Variants in RAB18 observed in about 807,000 individuals in gnomAD.
RAB18 encodes RAB18, member RAS oncogene family.
RAB18 carries 10 observed loss-of-function variants against 28.5 expected under a neutral mutation model. The ratio of observed to expected loss-of-function variants is 0.35; its 90% CI spans 0.22 to 0.60. The LOEUF (loss-of-function observed/expected upper bound fraction) is 0.60. Among genes scored for constraint, RAB18 ranks in the 20% least tolerant of loss-of-function variants. The pLI is 0.78. For missense variants in RAB18, 188 were observed against 244.2 expected (o/e 0.77, Z 1.53); for synonymous variants, 93 against 86.9 (o/e 1.07, Z -0.39).
intron 2 of RAB18, among the ~76,000 whole-genome samples, chr10:27,518,279 A>G (rs1242267653): frequency 6.6e-6 from 1 of 152,188 alleles, no homozygotes; most frequent in East Asian, 1.9e-4. Flanking sequence ...GGGTCATATG[A>G]TAAATGCATA....
intron 2 of RAB18, 33 bp downstream of exon 2, chr10:27,509,963 G>A: frequency 6.4e-7 from 1 of 1,557,566 alleles, no homozygotes; most frequent in Non-Finnish European, 8.9e-7. Flanking sequence ...TATAGAAATG[G>A]CCAGTATTTT....
At chr10:27,518,106 C>T (rs1211224938) in intron 2 of RAB18, among the ~76,000 whole-genome samples, 1 of 152,032 alleles carries the variant, frequency 6.6e-6, no homozygotes, top group East Asian at 1.9e-4. Context: ...TGTGGATGTA[C>T]CACAGTTTTA....
chr10:27,540,493 G>C lies in RAB18; in HGVS notation c.*2442G>C, dbSNP rs570023744. ...TTTCTTTATCACTCTTTTGTTATAT[G>C]TAATAGAAGTATTTCACACTTTTGG... On this transcript the variant is annotated 3_prime_UTR_variant, in exon 7 of 7. Coordinates refer to ENST00000356940, the MANE Select transcript of RAB18 (RefSeq NM_021252.5). 4 of 454,014 alleles carry C rather than the reference G, an allele frequency of 8.8e-6. No individual in the cohort carries two copies. Among genetic ancestry groups the C allele is most frequent in the African/African-American group, 8.0e-5 (4 of 50,088 alleles). The allele number at this position is 454,014 out of a possible 1,614,324, so 28.1% of individuals were successfully genotyped here.
At chr10:27,514,923 C>A (rs190543365) in intron 2 of RAB18, among the ~76,000 whole-genome samples, 4 of 151,984 alleles carry the variant, frequency 2.6e-5, no homozygotes, top group Non-Finnish European at 5.9e-5. Flanking sequence ...CCACCATGCC[C>A]GGGTGATCTT....
chr10:27,516,795 G>A (rs1834445720), intron 2 of RAB18, among the ~76,000 whole-genome samples: 1 of 152,076 alleles, frequency 6.6e-6, no homozygotes, highest in African/African-American at 2.4e-5. Context: ...ATGTGCCTGG[G>A]TCCACTTCTC....
Position 27,526,689 on chromosome 10 carries a change from C to G in RAB18, c.125-139C>G. 5.1e-6 allele frequency: 5 copies of G among 987,420 alleles called. No individual in the cohort carries two copies. In the East Asian group the frequency reaches 1.2e-4, roughly 24 times the overall value. 61.2% of individuals were successfully genotyped at this position (987,420 alleles called of 1,614,324 possible). A position where few individuals can be genotyped will look rare whatever the true frequency, so the allele number is the denominator to read the frequency against. Reference sequence around the variant, plus strand: ...TGGATTTTAATGACACTTTTTATCTCCACATCCAGAATTCTAAGAAGTTGG... The same window carrying G: ...TGGATTTTAATGACACTTTTTATCTGCACATCCAGAATTCTAAGAAGTTGG... On this transcript the variant is annotated intron_variant, in intron 2 of 6. Transcript: ENST00000356940.
intron 6 of RAB18, among the ~76,000 whole-genome samples, chr10:27,535,497 G>A (rs1834875800): frequency 1.3e-5 from 2 of 152,140 alleles, no homozygotes; most frequent in South Asian, 4.1e-4. Context: ...TTAAGGAGAA[G>A]GCAGATGGTG....
chr10:27,509,818 T>G, intron 1 of RAB18, 57 bp from the exon 2 acceptor site: 1 of 1,360,326 alleles, frequency 7.4e-7, no homozygotes, highest in South Asian at 1.2e-5. Flanking sequence ...ATGAACACAT[T>G]TATCATATGA....
At position 27,538,296 on chromosome 10, in the gene RAB18, A is replaced by T; in HGVS notation, c.*245A>T. Reference sequence around the variant, plus strand: ...TAGGTGTACCTTTATAAGTACATTCAATTTTATGATTTACATTTATCATGT... The same window carrying T: ...TAGGTGTACCTTTATAAGTACATTCTATTTTATGATTTACATTTATCATGT... On this transcript the variant is annotated 3_prime_UTR_variant, in exon 7 of 7. Transcript: ENST00000356940. 9.7e-6 allele frequency: 6 copies of T among 617,344 alleles called. No individual in the cohort carries two copies. The highest frequency in any genetic ancestry group is 1.8e-5 in the Non-Finnish European group (6 of 333,568). The allele number at this position is 617,344 out of a possible 1,614,324, so 38.2% of individuals were successfully genotyped here.
intron 2 of RAB18, among the ~76,000 whole-genome samples, chr10:27,518,876 A>G (rs1834490499): frequency 6.8e-6 from 1 of 147,594 alleles, no homozygotes; most frequent in African/African-American, 2.4e-5. Context: ...ATTTTCTTCC[A>G]GAAGTCTTAT....
rs1016066245 is a variant in RAB18, at chr10:27,504,341, A to G, written c.-29A>G. ...GGCTGAGAGGCGCACCCGGGCGGCCAGCTGGGCTCGGAGCGGAACGGGGTC... is the reference window on the plus strand; with the variant it reads ...GGCTGAGAGGCGCACCCGGGCGGCCGGCTGGGCTCGGAGCGGAACGGGGTC... On this transcript the variant is annotated 5_prime_UTR_variant, in exon 1 of 7. Coordinates refer to ENST00000356940, the MANE Select transcript of RAB18 (RefSeq NM_021252.5). 1.3e-6 allele frequency: 2 copies of G among 1,564,848 alleles called. No individual in the cohort carries two copies. Among genetic ancestry groups the G allele is most frequent in the African/African-American group, 1.3e-5 (1 of 74,244 alleles).
At chr10:27,526,097 A>G (rs533505503) in intron 2 of RAB18, among the ~76,000 whole-genome samples, 3 of 152,290 alleles carry the variant, frequency 2.0e-5, no homozygotes, top group Admixed American at 6.5e-5. Flanking sequence ...GGCTGCTGTA[A>G]TAAAGCCTTG....
At chr10:27,534,955 A>T (rs1834862986) in intron 6 of RAB18, among the ~76,000 whole-genome samples, 1 of 152,222 alleles carries the variant, frequency 6.6e-6, no homozygotes, top group African/African-American at 2.4e-5. Flanking sequence ...AACACTCAAG[A>T]TGTAACAGTG....
chr10:27,541,406 C>G lies in RAB18; in HGVS notation c.*3355C>G. 1 of 452,562 alleles carries G rather than the reference C, an allele frequency of 2.2e-6. No individual in the cohort carries two copies. Among genetic ancestry groups the G allele is most frequent in the South Asian group, 1.6e-5 (1 of 64,406 alleles). The allele number at this position is 452,562 out of a possible 1,614,324, so 28.0% of individuals were successfully genotyped here. ...GAACATCTATCATGCTGGAGGACTA[C>G]TGTGATGGGGCTTTACATTTTACTG... On this transcript the variant is annotated 3_prime_UTR_variant, in exon 7 of 7. Coordinates refer to ENST00000356940, the MANE Select transcript of RAB18 (RefSeq NM_021252.5).
intron 1 of RAB18, among the ~76,000 whole-genome samples, chr10:27,507,914 A>G (rs763803739): frequency 6.6e-5 from 10 of 151,658 alleles, no homozygotes; most frequent in Non-Finnish European, 1.3e-4. Context: ...ATGGTGATGC[A>G]CACCTGTCAT....
chr10:27,504,792 C>T (rs1837772623), intron 1 of RAB18: 1 of 522,266 alleles, frequency 1.9e-6, no homozygotes, highest in Admixed American at 2.3e-5. Context: ...GGCGCCTTGC[C>T]TCGAACCTCT....
At position 27,541,676 on chromosome 10, in the gene RAB18, A is replaced by C; in HGVS notation, c.*3625A>C. The C allele has an allele frequency of 2.2e-6, 1 of 446,206 alleles. No individual in the cohort carries two copies. The highest frequency in any genetic ancestry group is 4.4e-6 in the Non-Finnish European group (1 of 224,816). The allele number at this position is 446,206 out of a possible 1,614,324, so 27.6% of individuals were successfully genotyped here. On this transcript the variant is annotated 3_prime_UTR_variant, in exon 7 of 7. Coordinates refer to ENST00000356940, the MANE Select transcript of RAB18 (RefSeq NM_021252.5). Reference sequence around the variant, plus strand: ...TCTTTTTTAACCGGAGAAGCAACAAATTACGTAGTTTTTTTTGTGTTTCTT... The same window carrying C: ...TCTTTTTTAACCGGAGAAGCAACAACTTACGTAGTTTTTTTTGTGTTTCTT...
intron 1 of RAB18, among the ~76,000 whole-genome samples, chr10:27,506,527 T>A (rs1837843294): frequency 6.6e-6 from 1 of 152,102 alleles, no homozygotes; most frequent in Non-Finnish European, 1.5e-5. Flanking sequence ...CTCACTGTGT[T>A]GCCCAGGCTG....
At chr10:27,504,804 G>C (rs1173558501) in intron 1 of RAB18, 7 of 507,832 alleles carry the variant, frequency 1.4e-5, no homozygotes, top group Non-Finnish European at 2.4e-5. Flanking sequence ...CGAACCTCTC[G>C]GGGTTCAGGC....
Sources: allele counts gnomAD v4.1 joint callset (sites outside exome capture counted in the v4.1 genomes callset), GRCh38; gene constraint gnomAD v4.1.1; transcripts MANE v1.5; gene names NCBI Gene and HGNC (gene_info 2026-07-23, HGNC 2026-07-21).